ATP11A: variants seen among roughly 807,000 people sequenced by gnomAD.
ATP11A encodes ATPase phospholipid transporting 11A.
A neutral mutation model predicts 154.4 loss-of-function variants in ATP11A; 81 were observed. The ratio of observed to expected loss-of-function variants is 0.52; its 90% CI spans 0.44 to 0.63. ATP11A has a LOEUF of 0.63. ATP11A is among the 30% of genes least tolerant of loss of function. ATP11A has a pLI of 0.00. For missense variants in ATP11A, 1,316 were observed against 1,474.3 expected (o/e 0.89, Z 1.76); for synonymous variants, 623 against 585.9 (o/e 1.06, Z -0.91).
At chr13:112,737,325 C>G (rs896375013) in intron 1 of ATP11A, among the ~76,000 whole-genome samples, 5 of 152,286 alleles carry the variant, frequency 3.3e-5, no homozygotes, top group African/African-American at 1.2e-4. Flanking sequence ...ACAGTGGTTA[C>G]CCAGGTGAAG....
chr13:112,759,206 G>A (rs2076911568), intron 1 of ATP11A, among the ~76,000 whole-genome samples: 1 of 152,178 alleles, frequency 6.6e-6, no homozygotes, highest in South Asian at 2.1e-4. Context: ...GCGGCTGGGG[G>A]AGCTCTGGGT....
In ATP11A at chr13:112,859,297, G is replaced by A. The variant is rs931653337; in HGVS notation, c.2668-96G>A. 1 of 947,622 alleles carries A rather than the reference G, an allele frequency of 1.1e-6. No individual in the cohort carries two copies. Among genetic ancestry groups the A allele is most frequent in the Non-Finnish European group, 1.7e-6 (1 of 573,084 alleles). The allele number at this position is 947,622 out of a possible 1,614,324, so 58.7% of individuals were successfully genotyped here. On this transcript the variant is annotated intron_variant, in intron 22 of 29. Transcript: ENST00000375645. The surrounding 1 kb of genome is among the most constrained non-coding windows in gnomAD (Gnocchi z 4.3). ...GTTCTGCCGCACGCTGGGTGCACGT[G>A]GATCCCTCCTCCCATGTGGGGTGGG...
intron 17 of ATP11A, among the ~76,000 whole-genome samples, chr13:112,845,072 A>G (rs2079545167): frequency 6.6e-6 from 1 of 151,396 alleles, no homozygotes; most frequent in African/African-American, 2.4e-5. Flanking sequence ...GTTACTGGGC[A>G]CTGGTGGTAC....
At chr13:112,729,768 G>A (rs1346789191) in intron 1 of ATP11A, among the ~76,000 whole-genome samples, 1 of 152,274 alleles carries the variant, frequency 6.6e-6, no homozygotes, top group African/African-American at 2.4e-5. Flanking sequence ...TCTCACGGAG[G>A]CTTCAGAAGT....
chr13:112,866,676 T>C, intron 25 of ATP11A, among the ~76,000 whole-genome samples: 1 of 64,712 alleles, frequency 1.5e-5, no homozygotes, highest in Admixed American at 2.0e-4. Flanking sequence ...GCTTCGTTCC[T>C]TGTTTAGCCT....
At chr13:112,738,435 C>T (rs1032228366) in intron 1 of ATP11A, among the ~76,000 whole-genome samples, 3 of 152,152 alleles carry the variant, frequency 2.0e-5, no homozygotes, top group African/African-American at 7.2e-5. Context: ...AAGTATTTAC[C>T]CCTCTGCTCG....
At chr13:112,745,917 GT>G (rs1379509017) in intron 1 of ATP11A, 1 of 152,158 alleles carries the variant, frequency 6.6e-6, no homozygotes, top group African/African-American at 2.4e-5. Flanking sequence ...GTTAAACTAG[GT>G]GTCCCCACCT....
At chr13:112,795,737 A>G (rs2077983054) in intron 2 of ATP11A, among the ~76,000 whole-genome samples, 1 of 152,256 alleles carries the variant, frequency 6.6e-6, no homozygotes, top group Non-Finnish European at 1.5e-5. Context: ...GTATCCTTTT[A>G]AAAGCTAATG....
chr13:112,885,040 C>T lies in ATP11A; in HGVS notation c.*3174C>T, dbSNP rs1386107226. The T allele has an allele frequency of 6.6e-6, 1 of 152,208 alleles. No individual in the cohort carries two copies. Among genetic ancestry groups the T allele is most frequent in the East Asian group, 1.9e-4 (1 of 5,184 alleles). 9.4% of individuals were successfully genotyped at this position (152,208 alleles called of 1,614,324 possible). A position where few individuals can be genotyped will look rare whatever the true frequency, so the allele number is the denominator to read the frequency against. On this transcript the variant is annotated 3_prime_UTR_variant, in exon 30 of 30. Coordinates refer to ENST00000375645, the MANE Select transcript of ATP11A (RefSeq NM_015205.3). Reference sequence around the variant, plus strand: ...GTGCAAGCTCCTGCACACATGCATGCACACAAACGTGTACACAAGTGTGAG... The same window carrying T: ...GTGCAAGCTCCTGCACACATGCATGTACACAAACGTGTACACAAGTGTGAG...
intron 2 of ATP11A, among the ~76,000 whole-genome samples, chr13:112,792,322 G>A (rs1406229755): frequency 6.6e-6 from 1 of 151,880 alleles, no homozygotes; most frequent in Admixed American, 6.5e-5. Context: ...AGCTCAGGAT[G>A]TGTGAAAAAA....
rs952940267 is a variant in ATP11A at position 112,875,655 on chromosome 13, G to T, written c.3162-121G>T. 5.8e-5 allele frequency: 66 copies of T among 1,130,774 alleles called. No individual in the cohort carries two copies. The East Asian group carries it at 9.4e-4, about 16-fold the overall frequency. The allele number at this position is 1,130,774 out of a possible 1,614,324, so 70.0% of individuals were successfully genotyped here. On this transcript the variant is annotated intron_variant, in intron 27 of 29. Transcript: ENST00000375645. The surrounding 1 kb of genome is among the most constrained non-coding windows in gnomAD (Gnocchi z 4.1). ...AAATTCAGAGCAGGCTCCGTGGCTT[G>T]CCAAGCAACTCTCACTGACAAAAGT...
At chr13:112,855,253 C>A (rs1279169009) in intron 19 of ATP11A, among the ~76,000 whole-genome samples, 1 of 152,158 alleles carries the variant, frequency 6.6e-6, no homozygotes, top group Non-Finnish European at 1.5e-5. Context: ...GTCGCCCAGG[C>A]TGGAGTGCAG....
At position 112,854,506 on chromosome 13, in the gene ATP11A, G is replaced by T. The variant is rs1158591323; in HGVS notation, c.2219G>T (p.Ser740Ile). The T allele has an allele frequency of 3.1e-6, 5 of 1,611,064 alleles. No individual in the cohort carries two copies. Among genetic ancestry groups the T allele is most frequent in the Non-Finnish European group, 4.2e-6 (5 of 1,179,960 alleles). The change falls in exon 19 of 30, where the codon AGC becomes ATC. Residue 740 changes from serine to isoleucine, a missense_variant. Transcript: ENST00000375645. ...LSKTVLRHSG[S>I]LTRDNLSGLS... ...AAGACGGTCCTGCGCCACAGCGGGAGCCTGACCAGAGACAACCTGTCCGGG... is the reference window on the plus strand; with the variant it reads ...AAGACGGTCCTGCGCCACAGCGGGATCCTGACCAGAGACAACCTGTCCGGG...
At chr13:112,821,139 G>A (rs910997020) in intron 8 of ATP11A, among the ~76,000 whole-genome samples, 3 of 152,072 alleles carry the variant, frequency 2.0e-5, no homozygotes, top group African/African-American at 7.2e-5. Context: ...ATTAATTTGT[G>A]TTTGAACAGA....
chr13:112,867,187 C>G (rs1431793994), intron 25 of ATP11A, among the ~76,000 whole-genome samples: 1 of 152,216 alleles, frequency 6.6e-6, no homozygotes, highest in African/African-American at 2.4e-5. Flanking sequence ...AAACACCACC[C>G]TGGTTCACTA....
At chr13:112,710,158 C>T (rs923940582) in intron 1 of ATP11A, among the ~76,000 whole-genome samples, 3 of 152,252 alleles carry the variant, frequency 2.0e-5, no homozygotes, top group Non-Finnish European at 4.4e-5. Flanking sequence ...TCGGGAATCA[C>T]GAGTGTCATC....
intron 1 of ATP11A, among the ~76,000 whole-genome samples, chr13:112,740,148 C>CTCTCTATA (rs1454988788): frequency 7.3e-6 from 1 of 137,888 alleles, no homozygotes; most frequent in Non-Finnish European, 1.5e-5. Context: ...CTCTCTCTCT[C>CTCTCTATA]TATATATATA....
At chr13:112,842,684 AT>A (rs2079456688) in intron 17 of ATP11A, among the ~76,000 whole-genome samples, 1 of 152,218 alleles carries the variant, frequency 6.6e-6, no homozygotes, top group South Asian at 2.1e-4. Flanking sequence ...GGGAGTCAGA[AT>A]TAGCACGTTT....
intron 1 of ATP11A, among the ~76,000 whole-genome samples, chr13:112,715,250 C>G (rs1490544631): frequency 6.6e-6 from 1 of 152,066 alleles, no homozygotes; most frequent in African/African-American, 2.4e-5. Context: ...TTGCAGAAGA[C>G]TGTGTTGTCA....
Sources: allele counts gnomAD v4.1 joint callset (sites outside exome capture counted in the v4.1 genomes callset), GRCh38; gene constraint gnomAD v4.1.1; non-coding constraint Gnocchi (gnomAD v3.1); transcripts MANE v1.5; gene names NCBI Gene and HGNC (gene_info 2026-07-23, HGNC 2026-07-21).